Variants in SV2C observed in about 807,000 individuals in gnomAD.
SV2C encodes synaptic vesicle glycoprotein 2C.
SV2C carries 49 observed loss-of-function variants against 79.7 expected under a neutral mutation model. That is an observed-to-expected ratio of 0.61 (90% CI 0.49 to 0.78). The LOEUF (loss-of-function observed/expected upper bound fraction) is 0.78, where lower values mean the gene tolerates loss of function less well. Among genes scored for constraint, SV2C ranks in the 30% least tolerant of loss-of-function variants. The pLI is 0.00. For synonymous variants in SV2C, 334 were observed against 333.2 expected, an observed-to-expected ratio of 1.00 and a Z score of -0.03; for missense variants, 833 against 912.9, an observed-to-expected ratio of 0.91 and a Z score of 1.13.
At chr5:76,201,888 G>C (rs981667796) in intron 3 of SV2C, among the ~76,000 whole-genome samples, 1 of 151,870 alleles carries the variant, frequency 6.6e-6, no homozygotes. Flanking sequence ...CGTGGTGGCA[G>C]GCGCCTGTAG....
chr5:75,892,742 T>C, the SV2C span, among the ~76,000 whole-genome samples: 4 of 152,254 alleles, frequency 2.6e-5, no homozygotes, highest in African/African-American at 9.6e-5. Flanking sequence ...GCTGCATCCA[T>C]ATTTCTGCAA....
the SV2C span, among the ~76,000 whole-genome samples, chr5:75,951,418 G>T: frequency 6.6e-6 from 1 of 151,980 alleles, no homozygotes; most frequent in Admixed American, 6.6e-5. Flanking sequence ...AACAGGAACT[G>T]CCAGGGCTTC....
At chr5:75,945,308 A>G in the SV2C span, among the ~76,000 whole-genome samples, 1 of 151,640 alleles carries the variant, frequency 6.6e-6, no homozygotes, top group African/African-American at 2.4e-5. Context: ...AATATACATT[A>G]TTATTTTTCT....
the SV2C span, among the ~76,000 whole-genome samples, chr5:75,910,031 A>T: frequency 2.0e-5 from 3 of 152,200 alleles, no homozygotes; most frequent in Non-Finnish European, 4.4e-5. Flanking sequence ...CCCACCCAGC[A>T]TGGGGACTTC....
At chr5:76,202,015 C>CAAAA (rs373279209) in intron 3 of SV2C, among the ~76,000 whole-genome samples, 105 of 81,098 alleles carry the variant, frequency 1.3e-3, no homozygotes, top group East Asian at 2.2e-3. Context: ...GACTCCATCT[C>CAAAA]AAAAAAAAAA....
chr5:75,916,343 T>C, the SV2C span, among the ~76,000 whole-genome samples: 3 of 113,388 alleles, frequency 2.6e-5, no homozygotes, highest in Non-Finnish European at 5.5e-5. Context: ...CTTCCCCCCT[T>C]CTTCCTCCCC....
downstream of SV2C, among the ~76,000 whole-genome samples, chr5:76,336,920 G>A (rs2913248): frequency 0.46 from 70,065 of 151,934 alleles, 17,982 homozygotes; most frequent in Non-Finnish European, 0.58. Context: ...AAGTCATTGC[G>A]AGTTCTGAAG....
At chr5:75,864,616 T>C in the SV2C span, among the ~76,000 whole-genome samples, 1 of 152,216 alleles carries the variant, frequency 6.6e-6, no homozygotes, top group Admixed American at 6.5e-5. Context: ...GCCTGAAAGC[T>C]GCAGGGGCTA....
the SV2C span, among the ~76,000 whole-genome samples, chr5:75,917,915 G>T: frequency 6.6e-6 from 1 of 152,012 alleles, no homozygotes; most frequent in Non-Finnish European, 1.5e-5. Context: ...CTATATAAAA[G>T]ACTCATATAC....
At chr5:76,240,023 T>A (rs1189789371) in intron 4 of SV2C, among the ~76,000 whole-genome samples, 1 of 152,244 alleles carries the variant, frequency 6.6e-6, no homozygotes, top group Non-Finnish European at 1.5e-5. Flanking sequence ...TTTGTTCCTT[T>A]TCCTTTCTTA....
intron 1 of SV2C, among the ~76,000 whole-genome samples, chr5:76,128,025 A>G (rs1748767105): frequency 6.6e-6 from 1 of 152,144 alleles, no homozygotes; most frequent in African/African-American, 2.4e-5. Flanking sequence ...CACTGAATAT[A>G]TGTCAGATTC....
chr5:75,984,943 C>T, the SV2C span, among the ~76,000 whole-genome samples: 3 of 151,950 alleles, frequency 2.0e-5, no homozygotes, highest in Non-Finnish European at 4.4e-5. Flanking sequence ...AGCAGCACCT[C>T]GATTAGTGCT....
intron 4 of SV2C, among the ~76,000 whole-genome samples, chr5:76,240,177 G>A (rs1183065154): frequency 2.0e-5 from 3 of 152,186 alleles, no homozygotes; most frequent in African/African-American, 4.8e-5. Context: ...ATTGTGGCAC[G>A]TGTGAGGGAG....
chr5:76,218,544 G>A (rs996782947), intron 4 of SV2C, among the ~76,000 whole-genome samples: 1 of 152,164 alleles, frequency 6.6e-6, no homozygotes, highest in Non-Finnish European at 1.5e-5. Context: ...TCATAAGTGG[G>A]AGTTGAACAA....
chr5:76,273,733 T>A (rs1746943262), intron 4 of SV2C, among the ~76,000 whole-genome samples: 1 of 152,178 alleles, frequency 6.6e-6, no homozygotes, highest in Non-Finnish European at 1.5e-5. Flanking sequence ...GACAGATGAC[T>A]ATTGGAGTTT....
chr5:76,285,626 G>T, intron 5 of SV2C, 155 bp from the exon 6 acceptor site: 2 of 642,020 alleles, frequency 3.1e-6, no homozygotes, highest in Non-Finnish European at 5.4e-6. Context: ...TGTATTCAGT[G>T]ATATCCAAAT....
At chr5:76,299,268 T>C (rs557301374) in intron 10 of SV2C, among the ~76,000 whole-genome samples, 8 of 152,312 alleles carry the variant, frequency 5.3e-5, no homozygotes, top group Non-Finnish European at 1.2e-4. Context: ...CTCAACTCTA[T>C]AGCCAACAGA....
the SV2C span, among the ~76,000 whole-genome samples, chr5:75,982,551 A>G: frequency 6.6e-6 from 1 of 152,126 alleles, no homozygotes; most frequent in African/African-American, 2.4e-5. Flanking sequence ...GGAAGACAAT[A>G]TAGTGATTCC....
At chr5:76,206,038 A>G (rs561885342) in intron 3 of SV2C, among the ~76,000 whole-genome samples, 1 of 152,258 alleles carries the variant, frequency 6.6e-6, no homozygotes, top group Admixed American at 6.5e-5. Context: ...ATTTCTTCAT[A>G]TATTTTCAGA....
Sources: gnomAD v4.1 joint callset for allele counts (sites outside exome capture counted in the v4.1 genomes callset) on GRCh38, gnomAD v4.1.1 for gene constraint, MANE v1.5 for transcripts, NCBI Gene and HGNC (gene_info 2026-07-23, HGNC 2026-07-21) for gene names.